The following ZNF398 variants were observed in gnomAD, a reference collection of about 807,000 sequenced individuals.
ZNF398 encodes the protein zinc finger DNA binding protein ZER6.
Under a neutral mutation model 41.9 loss-of-function variants are expected in ZNF398, and 18 were observed. That is an observed-to-expected ratio of 0.43 (90% CI 0.30 to 0.64). The LOEUF (loss-of-function observed/expected upper bound fraction) is 0.64. Ranked by LOEUF, ZNF398 falls within the 30% of genes least tolerant of loss-of-function variation. The pLI is 0.14. For synonymous variants in ZNF398, 260 were observed against 308.8 expected, an observed-to-expected ratio of 0.84 and a Z score of 1.66; for missense variants, 669 against 822.8, an observed-to-expected ratio of 0.81 and a Z score of 2.29.
At chr7:149,126,418 G>C in exon 1 of ZNF398, 2 of 976,238 alleles carry the variant, frequency 2.0e-6, no homozygotes, top group Non-Finnish European at 2.9e-6. Context: ...AGAGGGAGTC[G>C]GTCCTCAGAG....
chr7:149,159,590 G>A (rs1795057478), intron 2 of ZNF398, among the ~76,000 whole-genome samples: 2 of 152,016 alleles, frequency 1.3e-5, no homozygotes, highest in Non-Finnish European at 2.9e-5. Context: ...GGAGGTTGCA[G>A]TGAGCTGAGA....
chr7:149,166,825 A>G lies in ZNF398; in HGVS notation c.556A>G (p.Ile186Val), dbSNP rs1295774572. The G allele has an allele frequency of 1.6e-5, 25 of 1,609,328 alleles. No homozygotes were observed. Among genetic ancestry groups the G allele is most frequent in the South Asian group, 3.3e-5 (3 of 90,872 alleles). The change falls in exon 4 of 6, where the codon ATA becomes GTA. Residue 186 changes from isoleucine to valine, a missense_variant. Physicochemically the swap from Ile to Val is conservative, Grantham distance 29. Around this residue, in one of 3 missense-constraint regions of ZNF398, gnomAD observed 169 missense variants for 239.5 expected, o/e 0.71. Transcript: ENST00000475153. Reference sequence around the variant, plus strand: ...CCTTTTTCCTCTCCTAGATTATGCTATAAATCAACCTGATGTCTTATCTCA... The same window carrying G: ...CCTTTTTCCTCTCCTAGATTATGCTGTAAATCAACCTGATGTCTTATCTCA... ...YESLISMDYA[I>V]NQPDVLSQIQ...
intron 2 of ZNF398, among the ~76,000 whole-genome samples, chr7:149,140,717 A>G (rs1222682340): frequency 6.6e-6 from 1 of 151,734 alleles, no homozygotes; most frequent in Admixed American, 6.6e-5. Context: ...ATGTTTAACA[A>G]TTTTGTTCCA....
chr7:149,142,646 A>G (rs1826852099), upstream of ZNF398, among the ~76,000 whole-genome samples: 1 of 151,148 alleles, frequency 6.6e-6, no homozygotes. Context: ...CAGCCTGGGC[A>G]ACAGAGCGAG....
At chr7:149,150,706 C>T (rs1432022883) in intron 1 of ZNF398, among the ~76,000 whole-genome samples, 1 of 99,966 alleles carries the variant, frequency 1.0e-5, no homozygotes, top group Non-Finnish European at 2.1e-5. Context: ...GCCTCCCGCG[C>T]CCCCCCGCCT....
At chr7:149,142,987 T>C (rs564912728), upstream of ZNF398, among the ~76,000 whole-genome samples, 1 of 152,168 alleles carries the variant, frequency 6.6e-6, no homozygotes, top group South Asian at 2.1e-4. Context: ...GTTATTTTAT[T>C]GATCGATGAT....
intron 4 of ZNF398, among the ~76,000 whole-genome samples, chr7:149,175,508 T>C (rs1024943684): frequency 1.3e-5 from 2 of 152,132 alleles, no homozygotes; most frequent in Non-Finnish European, 2.9e-5. Context: ...CAATACTATA[T>C]TCTTCCCCCT....
At chr7:149,143,113 C>T (rs889079408), upstream of ZNF398, among the ~76,000 whole-genome samples, 4 of 149,854 alleles carry the variant, frequency 2.7e-5, no homozygotes, top group Admixed American at 1.4e-4. Flanking sequence ...ACTGGCCAGG[C>T]GCGGTGGCCA....
chr7:149,159,820 C>T (rs1280216193), intron 2 of ZNF398, among the ~76,000 whole-genome samples: 3 of 152,008 alleles, frequency 2.0e-5, no homozygotes, highest in Non-Finnish European at 2.9e-5. Flanking sequence ...CTCCACCTCC[C>T]AGGCTCAAGC....
chr7:149,153,392 G>T (rs1009715613), intron 1 of ZNF398, among the ~76,000 whole-genome samples: 9 of 152,156 alleles, frequency 5.9e-5, no homozygotes, highest in African/African-American at 2.2e-4. Flanking sequence ...CTGCCCTCTG[G>T]AGTAACATAG....
At chr7:149,155,734 T>TTTTTTTTTTTA (rs1794962115) in intron 2 of ZNF398, among the ~76,000 whole-genome samples, 1 of 110,650 alleles carries the variant, frequency 9.0e-6, no homozygotes, top group Non-Finnish European at 1.7e-5. Context: ...TTTTTTAATT[T>TTTTTTTTTTTA]TTTTTTTTTT....
chr7:149,179,891 A>G lies in ZNF398; in HGVS notation c.*90A>G. ...TCTGTGAGCCCCATCCAACACCCAC[A>G]GTAATTATTATCTGGCACATCAATG... On this transcript the variant is annotated 3_prime_UTR_variant, in exon 6 of 6. Transcript: ENST00000475153. This position sits in a 1 kb window ranked among gnomAD's most constrained non-coding sequence, Gnocchi z 6.1. The G allele has an allele frequency of 5.8e-6, 7 of 1,209,120 alleles. No individual in the cohort carries two copies. Among genetic ancestry groups the G allele is most frequent in the Non-Finnish European group, 8.0e-6 (7 of 877,888 alleles). The allele number at this position is 1,209,120 out of a possible 1,614,324, so 74.9% of individuals were successfully genotyped here.
chr7:149,172,302 C>T (rs892783068), intron 4 of ZNF398, among the ~76,000 whole-genome samples: 44 of 152,256 alleles, frequency 2.9e-4, no homozygotes, highest in Admixed American at 2.4e-3. Flanking sequence ...ATGATGAAAT[C>T]TTGCACTATC....
rs113835314 is a variant in ZNF398 at position 149,129,961 on chromosome 7, T to C, written c.-490+1017T>C. ...GATTACAGGCATGTGCCACCACGCC[T>C]GGCTATTTTGTATTTTTGGTAGAGA... is the stretch of plus-strand genomic sequence containing the variant. On this transcript the variant is annotated intron_variant, in intron 2 of 6. Coordinates refer to the ZNF398 transcript ENST00000426851. Among the ~76,000 whole-genome samples the C allele has an allele frequency of 4.1e-3, 631 of 152,102 alleles. 2 individuals are homozygous for C. Among genetic ancestry groups the C allele is most frequent in the Non-Finnish European group, 7.1e-3 (486 of 67,994 alleles).
intron 2 of ZNF398, among the ~76,000 whole-genome samples, chr7:149,165,399 A>G (rs1795206370): frequency 1.3e-5 from 2 of 152,252 alleles, no homozygotes; most frequent in African/African-American, 4.8e-5. Flanking sequence ...GAGAAATTGC[A>G]GTGAGCTGCA....
chr7:149,127,215 C>G (rs1347011436), intron 1 of ZNF398, among the ~76,000 whole-genome samples: 1 of 152,082 alleles, frequency 6.6e-6, no homozygotes, highest in Non-Finnish European at 1.5e-5. Flanking sequence ...GAAAATCAAC[C>G]TCGCATTCTG....
intron 2 of ZNF398, among the ~76,000 whole-genome samples, chr7:149,165,430 A>G (rs990232651): frequency 3.3e-5 from 5 of 152,206 alleles, no homozygotes; most frequent in Admixed American, 1.3e-4. Flanking sequence ...AAAACAGGAA[A>G]TCTTGCCGTG....
At chr7:149,170,107 C>G (rs1483763508) in intron 4 of ZNF398, among the ~76,000 whole-genome samples, 1 of 152,174 alleles carries the variant, frequency 6.6e-6, no homozygotes, top group Non-Finnish European at 1.5e-5. Flanking sequence ...CTAGCACTTA[C>G]CCAAATTCCA....
chr7:149,182,717 TTTCCA>T lies in ZNF398; in HGVS notation c.*2919_*2923del, dbSNP rs1402748924. On this transcript the variant is annotated 3_prime_UTR_variant, in exon 6 of 6. Transcript: ENST00000475153. ...CAGATTTACTCTTTGCTTACTAGGT[TTTCCA>T]TTGTCACCATTGGATGAACCTCTGG... 3 of 152,230 alleles carry T rather than the reference TTTCCA, an allele frequency of 2.0e-5. No individual in the cohort carries two copies. Among genetic ancestry groups the T allele is most frequent in the Non-Finnish European group, 4.4e-5 (3 of 68,048 alleles). The allele number at this position is 152,230 out of a possible 1,614,324, so 9.4% of individuals were successfully genotyped here.
Sources: allele counts gnomAD v4.1 joint callset (sites outside exome capture counted in the v4.1 genomes callset), GRCh38; gene constraint gnomAD v4.1.1; regional missense constraint gnomAD v4.1.1; non-coding constraint Gnocchi (gnomAD v3.1); transcripts MANE v1.5; gene names NCBI Gene and HGNC (gene_info 2026-07-23, HGNC 2026-07-21).